CHRM3: variants seen among roughly 807,000 people sequenced by gnomAD.
The protein encoded by CHRM3 is muscarinic acetylcholine receptor M3.
A neutral mutation model predicts 41.8 loss-of-function variants in CHRM3; 11 were observed. That is an observed-to-expected ratio of 0.26 (90% CI 0.17 to 0.44). CHRM3 has a LOEUF of 0.44. Among genes scored for constraint, CHRM3 ranks in the 20% least tolerant of loss-of-function variants. The probability of loss-of-function intolerance (pLI) is 1.00; values close to 1 mark genes in which losing one functional copy is unlikely to be tolerated. For missense variants in CHRM3, 571 were observed against 745.4 expected, an observed-to-expected ratio of 0.77 and a Z score of 2.72; for synonymous variants, 297 against 301.4, an observed-to-expected ratio of 0.99 and a Z score of 0.15.
At chr1:239,541,018 A>G (rs555173279) in intron 2 of CHRM3, among the ~76,000 whole-genome samples, 1 of 152,288 alleles carries the variant, frequency 6.6e-6, no homozygotes, top group South Asian at 2.1e-4. Flanking sequence ...TCGGTGTACA[A>G]CAGGTCCTTG....
chr1:239,735,600 G>A (rs568828294), intron 5 of CHRM3, among the ~76,000 whole-genome samples: 71 of 152,100 alleles, frequency 4.7e-4, no homozygotes, highest in African/African-American at 1.6e-3. Flanking sequence ...AATAATAAAC[G>A]AAGCACTATT....
chr1:239,578,824 A>G (rs1198487677), intron 3 of CHRM3, among the ~76,000 whole-genome samples: 1 of 152,082 alleles, frequency 6.6e-6, no homozygotes, highest in East Asian at 1.9e-4. Flanking sequence ...CTCAGGATGC[A>G]CAATTGTAGT....
At chr1:239,861,115 G>T (rs1675604595) in intron 6 of CHRM3, among the ~76,000 whole-genome samples, 1 of 152,032 alleles carries the variant, frequency 6.6e-6, no homozygotes, top group Non-Finnish European at 1.5e-5. Flanking sequence ...ATATTCTATT[G>T]AGTGTATTCT....
At chr1:239,403,913 G>A (rs1328195263) in intron 1 of CHRM3, among the ~76,000 whole-genome samples, 1 of 132,652 alleles carries the variant, frequency 7.5e-6, no homozygotes, top group Non-Finnish European at 1.6e-5. Context: ...TAAATTTTAA[G>A]ATCCAACATT....
At chr1:239,394,790 G>A (rs1057061439) in intron 1 of CHRM3, among the ~76,000 whole-genome samples, 9 of 151,672 alleles carry the variant, frequency 5.9e-5, no homozygotes, top group East Asian at 1.9e-4. Flanking sequence ...GAACACTTCT[G>A]ATCTTTCTTC....
intron 1 of CHRM3, among the ~76,000 whole-genome samples, chr1:239,452,143 C>T (rs867580002): frequency 2.0e-5 from 3 of 152,048 alleles, no homozygotes; most frequent in East Asian, 1.9e-4. Flanking sequence ...GGCCACATGA[C>T]GGAAAAAGCT....
chr1:239,521,758 A>G (rs1260468223), intron 2 of CHRM3, among the ~76,000 whole-genome samples: 1 of 152,168 alleles, frequency 6.6e-6, no homozygotes, highest in Non-Finnish European at 1.5e-5. Flanking sequence ...ACTAAAAAAA[A>G]CCGCAACAAA....
chr1:239,532,685 C>T (rs1421317898), intron 2 of CHRM3, among the ~76,000 whole-genome samples: 1 of 149,624 alleles, frequency 6.7e-6, no homozygotes, highest in African/African-American at 2.4e-5. Flanking sequence ...ACATTAAGAT[C>T]CTGAAAAATA....
intron 5 of CHRM3, among the ~76,000 whole-genome samples, chr1:239,803,897 A>G (rs1366689348): frequency 6.6e-6 from 1 of 152,244 alleles, no homozygotes; most frequent in East Asian, 1.9e-4. Context: ...TCGTGATAGC[A>G]CGTTTGTCTG....
chr1:239,862,493 C>G (rs76438293), intron 6 of CHRM3, among the ~76,000 whole-genome samples: 1 of 152,134 alleles, frequency 6.6e-6, no homozygotes, highest in East Asian at 1.9e-4. Flanking sequence ...TTTTAAATTT[C>G]TTCTTTGCCA....
chr1:239,516,229 G>T (rs1254610299), intron 2 of CHRM3, among the ~76,000 whole-genome samples: 3 of 152,088 alleles, frequency 2.0e-5, no homozygotes, highest in Admixed American at 6.5e-5. Flanking sequence ...GGAGAACATC[G>T]TAAGCAATTA....
At chr1:239,866,597 T>C (rs535130970) in intron 6 of CHRM3, among the ~76,000 whole-genome samples, 99 of 152,110 alleles carry the variant, frequency 6.5e-4, no homozygotes, top group Non-Finnish European at 1.1e-3. Context: ...CAACAGCGCA[T>C]GAAGGCAGGC....
intron 4 of CHRM3, among the ~76,000 whole-genome samples, chr1:239,654,162 G>C (rs1346987750): frequency 1.3e-5 from 2 of 151,810 alleles, no homozygotes; most frequent in African/African-American, 4.8e-5. Context: ...AGAGATGGGG[G>C]TCTCACTACG....
At chr1:239,618,273 CTTTCT>C (rs1306814411) in intron 3 of CHRM3, among the ~76,000 whole-genome samples, 28 of 113,048 alleles carry the variant, frequency 2.5e-4, no homozygotes, top group African/African-American at 5.4e-4. Flanking sequence ...CTTTTTTTTT[CTTTCT>C]TTTTTTTTTT....
intron 3 of CHRM3, among the ~76,000 whole-genome samples, chr1:239,620,934 TATTGTGCTTCAGTTC>T (rs1289547760): frequency 6.6e-6 from 1 of 152,164 alleles, no homozygotes; most frequent in East Asian, 1.9e-4. Flanking sequence ...TACTTTATTT[TATTGTGCTTCAGTTC>T]ATTGTGCTTC....
intron 3 of CHRM3, among the ~76,000 whole-genome samples, chr1:239,546,777 T>C (rs1659346637): frequency 6.6e-6 from 1 of 152,168 alleles, no homozygotes; most frequent in South Asian, 2.1e-4. Flanking sequence ...GAGAAAGATA[T>C]ATTAGATACT....
At chr1:239,449,833 C>T (rs1344355535) in intron 1 of CHRM3, among the ~76,000 whole-genome samples, 1 of 151,630 alleles carries the variant, frequency 6.6e-6, no homozygotes, top group African/African-American at 2.4e-5. Context: ...TGGAAAGAGA[C>T]ATAGGTTTGG....
chr1:239,801,396 C>G (rs1349721160), intron 5 of CHRM3, among the ~76,000 whole-genome samples: 1 of 152,144 alleles, frequency 6.6e-6, no homozygotes, highest in Non-Finnish European at 1.5e-5. Context: ...GCACTGTTTT[C>G]CATAAAGTAG....
At chr1:239,574,578 G>C (rs994563499) in intron 3 of CHRM3, among the ~76,000 whole-genome samples, 1 of 151,974 alleles carries the variant, frequency 6.6e-6, no homozygotes. Flanking sequence ...CCTGCATCCA[G>C]GCATTCTTGG....
Sources: gnomAD v4.1 joint callset for allele counts (sites outside exome capture counted in the v4.1 genomes callset) on GRCh38, gnomAD v4.1.1 for gene constraint, MANE v1.5 for transcripts, NCBI Gene and HGNC (gene_info 2026-07-23, HGNC 2026-07-21) for gene names.